MARCHF10: variants seen among roughly 807,000 people sequenced by gnomAD.
MARCHF10 encodes probable E3 ubiquitin-protein ligase MARCHF10.
MARCHF10 carries 64 observed loss-of-function variants against 76.2 expected under a neutral mutation model. That is an observed-to-expected ratio of 0.84 (90% CI 0.69 to 1.03). The LOEUF (loss-of-function observed/expected upper bound fraction) is 1.03. Ranked by LOEUF, MARCHF10 falls within the 50% of genes least tolerant of loss-of-function variation. The pLI is 0.00. For missense variants in MARCHF10, 875 were observed against 958.0 expected, an observed-to-expected ratio of 0.91 and a Z score of 1.14; for synonymous variants, 340 against 357.5, an observed-to-expected ratio of 0.95 and a Z score of 0.55.
At chr17:62,780,106 AC>A (rs150231787) in intron 3 of MARCHF10, among the ~76,000 whole-genome samples, 11,269 of 151,252 alleles carry the variant, frequency 0.075, 1,374 homozygotes, top group African/African-American at 0.26. Context: ...AAAAAAAAAA[AC>A]AAACCAAAAA....
At chr17:62,774,198 C>T (rs1860337) in intron 3 of MARCHF10, among the ~76,000 whole-genome samples, 105,163 of 151,950 alleles carry the variant, frequency 0.69, 37,570 homozygotes, top group African/African-American at 0.88. Context: ...TTCTTTTGGG[C>T]GATGACACCA....
intron 3 of MARCHF10, among the ~76,000 whole-genome samples, chr17:62,765,947 A>C (rs2092319520): frequency 6.6e-6 from 1 of 152,158 alleles, no homozygotes; most frequent in Admixed American, 6.6e-5. Context: ...TCACGCCTGT[A>C]ATCCCAGCAC....
At chr17:62,791,007 A>G (rs1156827572) in intron 2 of MARCHF10, among the ~76,000 whole-genome samples, 1 of 152,224 alleles carries the variant, frequency 6.6e-6, no homozygotes, top group Non-Finnish European at 1.5e-5. Context: ...TTCAAAAACT[A>G]TGCCACATAG....
chr17:62,799,889 G>A (rs1237192395), intron 2 of MARCHF10, among the ~76,000 whole-genome samples: 3 of 152,186 alleles, frequency 2.0e-5, no homozygotes, highest in Non-Finnish European at 4.4e-5. Context: ...TCCTGCCTCA[G>A]GGCCTTTGCA....
chr17:62,702,035 G>C (rs771587977), intron 10 of MARCHF10, among the ~76,000 whole-genome samples: 42 of 152,198 alleles, frequency 2.8e-4, no homozygotes, highest in Non-Finnish European at 4.9e-4. Flanking sequence ...TGCAGAACTT[G>C]TTTTCAGGCT....
chr17:62,734,283 C>T (rs1354887799), intron 6 of MARCHF10, among the ~76,000 whole-genome samples: 5 of 151,802 alleles, frequency 3.3e-5, no homozygotes, highest in Admixed American at 2.6e-4. Flanking sequence ...AAACGCAATA[C>T]AGGAATGGTC....
intron 5 of MARCHF10, among the ~76,000 whole-genome samples, chr17:62,739,805 A>G (rs564317446): frequency 6.6e-6 from 1 of 152,288 alleles, no homozygotes; most frequent in Admixed American, 6.5e-5. Flanking sequence ...GAAACACCCA[A>G]TGGGCAAAAG....
In MARCHF10 at chr17:62,717,521, G is replaced by A. The variant is rs75464157; in HGVS notation, c.2214+4967C>T. 5.2e-3 allele frequency among the ~76,000 whole-genome samples: 791 copies of A among 152,336 alleles called. 7 individuals are homozygous for A. Among genetic ancestry groups the A allele is most frequent in the African/African-American group, 0.018 (742 of 41,584 alleles). ...GCCGGCCCCATGGCTTTCCCCAGCC[G>A]GGCTTCCTTGCCCTCTGGCTTCCCG... On this transcript the variant is annotated intron_variant, in intron 8 of 10. Coordinates refer to ENST00000311269, the MANE Select transcript of MARCHF10 (RefSeq NM_152598.4).
intron 4 of MARCHF10, among the ~76,000 whole-genome samples, chr17:62,756,250 A>AAAC (rs577095981): frequency 7.7e-4 from 117 of 152,164 alleles, no homozygotes; most frequent in African/African-American, 2.5e-3. Flanking sequence ...CTCTGTCTCA[A>AAAC]AACAACAACA....
intron 9 of MARCHF10, among the ~76,000 whole-genome samples, chr17:62,709,247 A>G (rs2089776148): frequency 6.6e-6 from 1 of 152,194 alleles, no homozygotes; most frequent in Admixed American, 6.5e-5. Context: ...TGGGAGGCCA[A>G]GGCAGGTGGA....
chr17:62,793,652 A>AC (rs2092927235), intron 2 of MARCHF10, among the ~76,000 whole-genome samples: 1 of 138,720 alleles, frequency 7.2e-6, no homozygotes. Context: ...CACCACCATC[A>AC]CACCTCCATC....
chr17:62,792,706 CTA>C (rs2092872667), intron 2 of MARCHF10, among the ~76,000 whole-genome samples: 2 of 147,984 alleles, frequency 1.4e-5, no homozygotes, highest in South Asian at 4.3e-4. Context: ...ACCTCCATCA[CTA>C]CAACCATCAC....
intron 3 of MARCHF10, among the ~76,000 whole-genome samples, chr17:62,782,165 T>C (rs1209997601): frequency 1.3e-5 from 2 of 152,018 alleles, no homozygotes; most frequent in Admixed American, 6.6e-5. Context: ...GCTGTGGACA[T>C]TGGATCTGTC....
intron 2 of MARCHF10, among the ~76,000 whole-genome samples, chr17:62,792,993 ACCACCTCCATCACCACCACC>A (rs1473937822): frequency 3.9e-4 from 56 of 144,110 alleles, no homozygotes; most frequent in African/African-American, 1.4e-3. Context: ...CATCACTACC[ACCACCTCCATCACCACCACC>A]ACAACCATCA....
chr17:62,716,314 G>A (rs1352182693), intron 8 of MARCHF10, among the ~76,000 whole-genome samples: 1 of 152,036 alleles, frequency 6.6e-6, no homozygotes. Flanking sequence ...TAAACTGGCT[G>A]GGTGTGGTAG....
chr17:62,737,690 C>G (rs532104414), intron 5 of MARCHF10: 2 of 209,154 alleles, frequency 9.6e-6, no homozygotes, highest in African/African-American at 4.7e-5. Context: ...AAGGGAAAAC[C>G]ACCACTCTGG....
intron 8 of MARCHF10, among the ~76,000 whole-genome samples, chr17:62,715,701 G>T (rs948808096): frequency 1.3e-5 from 2 of 152,218 alleles, no homozygotes; most frequent in Admixed American, 1.3e-4. Flanking sequence ...GGTCCCTGGG[G>T]TCCCACAGCT....
At chr17:62,704,985 G>C in intron 10 of MARCHF10, 1 of 684,366 alleles carries the variant, frequency 1.5e-6, no homozygotes, top group Non-Finnish European at 1.8e-6. Flanking sequence ...ACAGGGAGAA[G>C]GCTTTTCTCG....
intron 8 of MARCHF10, chr17:62,714,240 C>G (rs770428029): frequency 8.2e-6 from 2 of 242,586 alleles, no homozygotes; most frequent in Non-Finnish European, 1.3e-5. Flanking sequence ...GTGCATCTTA[C>G]CTGGAAAGCG....
Sources: allele counts gnomAD v4.1 joint callset (sites outside exome capture counted in the v4.1 genomes callset), GRCh38; gene constraint gnomAD v4.1.1; transcripts MANE v1.5; gene names NCBI Gene and HGNC (gene_info 2026-07-23, HGNC 2026-07-21).